KIDINS220: variants seen among roughly 807,000 people sequenced by gnomAD.
KIDINS220 encodes the protein kinase D-interacting substrate of 220 kDa.
Under a neutral mutation model 157.6 loss-of-function variants are expected in KIDINS220, and 63 were observed. The ratio of observed to expected loss-of-function variants is 0.40; its 90% CI spans 0.33 to 0.49. The LOEUF (loss-of-function observed/expected upper bound fraction) is 0.49, where lower values mean the gene tolerates loss of function less well. KIDINS220 is among the 20% of genes least tolerant of loss of function. KIDINS220 has a pLI of 0.66. For synonymous variants in KIDINS220, 732 were observed against 783.6 expected, an observed-to-expected ratio of 0.93 and a Z score of 1.10; for missense variants, 1,772 against 2,171.2, an observed-to-expected ratio of 0.82 and a Z score of 3.65.
intron 10 of KIDINS220, among the ~76,000 whole-genome samples, chr2:8,797,388 C>A (rs1674117817): frequency 6.6e-6 from 1 of 152,188 alleles, no homozygotes; most frequent in South Asian, 2.1e-4. Context: ...GAAGAGACCA[C>A]AATTCAGCAC....
At chr2:8,777,995 A>C (rs1671199235) in intron 20 of KIDINS220, among the ~76,000 whole-genome samples, 1 of 152,212 alleles carries the variant, frequency 6.6e-6, no homozygotes, top group Non-Finnish European at 1.5e-5. Context: ...AACCAGAAAA[A>C]AACATAATGC....
At chr2:8,744,634 AAC>A (rs1437321113) in intron 26 of KIDINS220, among the ~76,000 whole-genome samples, 2 of 151,370 alleles carry the variant, frequency 1.3e-5, no homozygotes, top group South Asian at 2.1e-4. Context: ...GTTGTCCAGA[AAC>A]ACAGAGTTTT....
At chr2:8,802,508 C>T (rs990259191) in intron 8 of KIDINS220, among the ~76,000 whole-genome samples, 31 of 152,210 alleles carry the variant, frequency 2.0e-4, no homozygotes, top group African/African-American at 5.8e-4. Flanking sequence ...GATGGTACCA[C>T]TTGCTGAGAT....
Position 8,740,239 on chromosome 2 carries a change from G to A in KIDINS220, c.3586-3240C>T, listed in dbSNP as rs6736976. The stretch of plus-strand genomic sequence containing the variant: ...GACAAGAGCATAAAGTAACACATCC[G>A]ATGCACAACTATAAATGTCTAACAT... On this transcript the variant is annotated intron_variant, in intron 26 of 29. Transcript: ENST00000256707. 0.018 allele frequency: 14,463 copies of A among 791,390 alleles called. 1,494 individuals carry two copies. In the African/African-American group the frequency reaches 0.23, roughly 13 times the overall value. 49.0% of individuals were successfully genotyped at this position (791,390 alleles called of 1,614,324 possible). A position where few individuals can be genotyped will look rare whatever the true frequency, so the allele number is the denominator to read the frequency against.
At chr2:8,822,790 A>G (rs1678189550) in intron 2 of KIDINS220, among the ~76,000 whole-genome samples, 1 of 152,174 alleles carries the variant, frequency 6.6e-6, no homozygotes, top group Non-Finnish European at 1.5e-5. Context: ...TCAAAAATAA[A>G]ATAAAAATAA....
At position 8,812,393 on chromosome 2, in the gene KIDINS220, A is replaced by T; in HGVS notation, c.504+2T>A. On this transcript the variant is annotated splice_donor_variant, in intron 6 of 29. Transcript: ENST00000256707. LOFTEE classifies it high-confidence loss of function. Reference sequence around the variant, plus strand: ...GAACCTGAAAAGATGCTGCTGACCTACCTTATCAGAGCAGTTGACTTTAGC... The same window carrying T: ...GAACCTGAAAAGATGCTGCTGACCTTCCTTATCAGAGCAGTTGACTTTAGC... The T allele has an allele frequency of 6.4e-7, 1 of 1,571,818 alleles. No homozygotes were observed. Among genetic ancestry groups the T allele is most frequent in the Non-Finnish European group, 8.7e-7 (1 of 1,151,636 alleles).
intron 4 of KIDINS220, among the ~76,000 whole-genome samples, chr2:8,814,466 T>A (rs1455938112): frequency 6.6e-6 from 1 of 151,258 alleles, no homozygotes; most frequent in Admixed American, 6.6e-5. Flanking sequence ...AATGGATGAA[T>A]GGATGGATGG....
chr2:8,817,029 C>T (rs7581727), intron 4 of KIDINS220, among the ~76,000 whole-genome samples: 149,898 of 152,312 alleles, frequency 0.98, 73,818 homozygotes, highest in Middle Eastern at 1. Context: ...TTTCTTCCTT[C>T]CTTCTACTGT....
intron 6 of KIDINS220, among the ~76,000 whole-genome samples, chr2:8,811,157 T>C (rs1280627297): frequency 2.0e-5 from 3 of 152,196 alleles, no homozygotes; most frequent in Non-Finnish European, 4.4e-5. Context: ...TCTATTTCAA[T>C]GACGAAAAAC....
At chr2:8,725,993 C>T (rs1052652128), downstream of KIDINS220, among the ~76,000 whole-genome samples, 2 of 152,128 alleles carry the variant, frequency 1.3e-5, no homozygotes, top group African/African-American at 4.8e-5. Flanking sequence ...GCTGAAGCTC[C>T]GCAGGCAGAC....
chr2:8,816,031 A>T (rs1349957499), intron 4 of KIDINS220, among the ~76,000 whole-genome samples: 2 of 152,136 alleles, frequency 1.3e-5, no homozygotes, highest in Non-Finnish European at 2.9e-5. Flanking sequence ...CTTTGAGGTT[A>T]AGGTCCCACA....
Position 8,779,995 on chromosome 2 carries a change from A to G in KIDINS220, c.2230-181T>C, listed in dbSNP as rs116581739. On this transcript the variant is annotated intron_variant, in intron 17 of 29. Transcript: ENST00000256707. The stretch of plus-strand genomic sequence containing the variant: ...GCTTCACAATTTACCAAGTGACTAC[A>G]CATAAATTACAGCAGCTGATCCTCA... Among the ~76,000 whole-genome samples the G allele has an allele frequency of 6.7e-3, 1,018 of 152,378 alleles. 14 individuals carry two copies. Among genetic ancestry groups the G allele is most frequent in the African/African-American group, 0.023 (949 of 41,586 alleles).
rs572423915 is a variant in KIDINS220, at chr2:8,731,545, G to A, written c.4491C>T (p.Ser1497=). 5.1e-5 allele frequency: 83 copies of A among 1,614,070 alleles called. 1 individual carries two copies. In the East Asian group the frequency reaches 1.1e-3, roughly 21 times the overall value. ...GSKLLPGKKS[S]ERSSLFQTDL... Reference sequence around the variant, plus strand: ...CTGTCTGGAAGAGGCTTGACCTTTCGGAAGATTTCTTGCCTGGGAGAAGCT... The same window carrying A: ...CTGTCTGGAAGAGGCTTGACCTTTCAGAAGATTTCTTGCCTGGGAGAAGCT... The change falls in exon 30 of 30, where the codon TCC becomes TCT. Residue 1497 remains serine, a synonymous_variant. Coordinates refer to ENST00000256707, the MANE Select transcript of KIDINS220 (RefSeq NM_020738.4). This position sits in a 1 kb window ranked among gnomAD's most constrained non-coding sequence, Gnocchi z 5.2.
At chr2:8,761,076 A>G (rs1572540666) in intron 22 of KIDINS220, among the ~76,000 whole-genome samples, 1 of 152,324 alleles carries the variant, frequency 6.6e-6, no homozygotes, top group East Asian at 1.9e-4. Flanking sequence ...TATACTTGAT[A>G]TTTTAAAATG....
chr2:8,775,069 T>C (rs1239323715), intron 21 of KIDINS220, among the ~76,000 whole-genome samples: 4 of 152,110 alleles, frequency 2.6e-5, no homozygotes, highest in South Asian at 2.1e-4. Flanking sequence ...TACTAGTAGA[T>C]TGGTGGTAGT....
intron 17 of KIDINS220, among the ~76,000 whole-genome samples, chr2:8,783,139 G>A (rs1671921544): frequency 1.3e-5 from 2 of 150,732 alleles, no homozygotes; most frequent in Admixed American, 1.3e-4. Context: ...GGAGGTTGTA[G>A]TGAGCTGAGA....
chr2:8,780,013 G>A (rs1040654863), intron 17 of KIDINS220, among the ~76,000 whole-genome samples, 199 bp from the exon 18 acceptor site: 1 of 152,224 alleles, frequency 6.6e-6, no homozygotes, highest in Non-Finnish European at 1.5e-5. Flanking sequence ...TACAGCAGCT[G>A]ATCCTCAGAA....
intron 4 of KIDINS220, among the ~76,000 whole-genome samples, chr2:8,814,016 A>G (rs1014111940): frequency 1.7e-4 from 26 of 152,252 alleles, no homozygotes; most frequent in African/African-American, 6.3e-4. Flanking sequence ...AACTTTATTC[A>G]GAGAGAGATT....
At chr2:8,740,000 C>T (rs1665405438) in intron 26 of KIDINS220, among the ~76,000 whole-genome samples, 1 of 152,160 alleles carries the variant, frequency 6.6e-6, no homozygotes, top group South Asian at 2.1e-4. Context: ...ACTGATTAGC[C>T]AGAAATGAGT....
Sources: allele counts gnomAD v4.1 joint callset (sites outside exome capture counted in the v4.1 genomes callset), GRCh38; gene constraint gnomAD v4.1.1; non-coding constraint Gnocchi (gnomAD v3.1); transcripts MANE v1.5; gene names NCBI Gene and HGNC (gene_info 2026-07-23, HGNC 2026-07-21).